Variants in PIP5K1C observed in about 807,000 individuals in gnomAD.
The protein encoded by PIP5K1C is phosphatidylinositol 4-phosphate 5-kinase type-1 gamma.
A neutral mutation model predicts 80.1 loss-of-function variants in PIP5K1C; 45 were observed. That is an observed-to-expected ratio of 0.56 (90% CI 0.44 to 0.72). The LOEUF (loss-of-function observed/expected upper bound fraction) is 0.72, where lower values mean the gene tolerates loss of function less well. Ranked by LOEUF, PIP5K1C falls within the 30% of genes least tolerant of loss-of-function variation. The pLI is 0.00. For synonymous variants in PIP5K1C, 498 were observed against 420.1 expected, an observed-to-expected ratio of 1.19 and a Z score of -2.27; for missense variants, 753 against 954.6, an observed-to-expected ratio of 0.79 and a Z score of 2.78.
intron 11 of PIP5K1C, 126 bp downstream of exon 11, chr19:3,645,848 C>A (rs1041053892): frequency 8.9e-6 from 7 of 784,076 alleles, no homozygotes; most frequent in Non-Finnish European, 1.4e-5. Context: ...CTGAGGGGGG[C>A]ACAGGGGCTC....
intron 5 of PIP5K1C, among the ~76,000 whole-genome samples, chr19:3,659,748 C>T (rs956915502): frequency 6.6e-6 from 1 of 152,170 alleles, no homozygotes; most frequent in Non-Finnish European, 1.5e-5. Context: ...ACACGTACCC[C>T]TGGCTGGAGC....
intron 1 of PIP5K1C, among the ~76,000 whole-genome samples, chr19:3,677,584 A>G (rs1178847308): frequency 1.5e-5 from 2 of 130,806 alleles, no homozygotes; most frequent in African/African-American, 2.7e-5. Context: ...CTCCCTCTCA[A>G]AAAAAAAGAG....
intron 1 of PIP5K1C, among the ~76,000 whole-genome samples, chr19:3,695,276 C>A (rs547782331): frequency 3.3e-5 from 5 of 152,198 alleles, no homozygotes; most frequent in African/African-American, 9.6e-5. Flanking sequence ...ACTCCCATGG[C>A]GGACCCCAGC....
chr19:3,669,163 G>A (rs919447882), intron 1 of PIP5K1C, among the ~76,000 whole-genome samples: 5 of 152,228 alleles, frequency 3.3e-5, no homozygotes, highest in Admixed American at 6.5e-5. Context: ...GGCAGCTGGG[G>A]GTGCTGGGGC....
chr19:3,683,927 A>AC (rs1275830042), intron 1 of PIP5K1C, among the ~76,000 whole-genome samples: 10 of 44,442 alleles, frequency 2.3e-4, no homozygotes, highest in East Asian at 1.7e-3. Context: ...GCAGTCCCAC[A>AC]CCCCCCCCAC....
chr19:3,645,157 G>A (rs1046292894), intron 11 of PIP5K1C, among the ~76,000 whole-genome samples: 6 of 152,348 alleles, frequency 3.9e-5, no homozygotes, highest in Admixed American at 2.6e-4. Flanking sequence ...GGGCACTGGC[G>A]TGCCTGTCCC....
rs370277243 is a variant in PIP5K1C at position 3,667,258 on chromosome 19, G to A, written c.126+64C>T. 91 of 1,445,312 alleles carry A rather than the reference G, an allele frequency of 6.3e-5. No individual in the cohort carries two copies. The African/African-American group carries it at 1.0e-3, about 17-fold the overall frequency. The allele number at this position is 1,445,312 out of a possible 1,614,324, so 89.5% of individuals were successfully genotyped here. Reference sequence around the variant, plus strand: ...CTGCCCCAGGCCACACAGCTTCTCCGCGAGTAGGGAGGCAGCAGGTCAGGG... The same window carrying A: ...CTGCCCCAGGCCACACAGCTTCTCCACGAGTAGGGAGGCAGCAGGTCAGGG... On this transcript the variant is annotated intron_variant, in intron 2 of 17. Coordinates refer to ENST00000335312, the MANE Select transcript of PIP5K1C (RefSeq NM_012398.3).
chr19:3,672,824 G>T (rs1032135771), intron 1 of PIP5K1C, among the ~76,000 whole-genome samples: 6 of 152,098 alleles, frequency 3.9e-5, no homozygotes, highest in African/African-American at 1.4e-4. Flanking sequence ...AACAGTGGTG[G>T]CCTCATCCCT....
rs1448262948 is a variant in PIP5K1C, at chr19:3,647,321, A to C, written c.1260+17T>G. The stretch of plus-strand genomic sequence containing the variant: ...GAGGGATGGGAGGAGGAATGGGAGG[A>C]GGGTGCAGGCGCTCACCCCATCGTG... On this transcript the variant is annotated intron_variant, in intron 10 of 17. Coordinates refer to ENST00000335312, the MANE Select transcript of PIP5K1C (RefSeq NM_012398.3). 1.3e-6 allele frequency: 2 copies of C among 1,560,406 alleles called. No homozygotes were observed. Among genetic ancestry groups the C allele is most frequent in the Non-Finnish European group, 1.7e-6 (2 of 1,151,132 alleles).
intron 1 of PIP5K1C, among the ~76,000 whole-genome samples, chr19:3,691,790 G>A (rs570073506): frequency 3.9e-5 from 6 of 152,166 alleles, no homozygotes; most frequent in South Asian, 2.1e-4. Flanking sequence ...CAGCACCTCC[G>A]TCAACCTGGG....
intron 15 of PIP5K1C, among the ~76,000 whole-genome samples, chr19:3,639,562 G>A (rs900898343): frequency 6.6e-6 from 1 of 151,994 alleles, no homozygotes; most frequent in African/African-American, 2.4e-5. Flanking sequence ...CTCCCAAGTA[G>A]CTGAGACTAT....
chr19:3,639,029 G>A lies in PIP5K1C; in HGVS notation c.1788-13C>T. The A allele has an allele frequency of 6.2e-7, 1 of 1,609,142 alleles. No individual in the cohort carries two copies. The highest frequency in any genetic ancestry group is 8.5e-7 in the Non-Finnish European group (1 of 1,179,860). ...GGAAGCCTCCACCCTGGGGACAGGA[G>A]TAGACAGAGGGTCTTGACCCTCAGG... On this transcript the variant is annotated splice_polypyrimidine_tract_variant and intron_variant, in intron 15 of 17. Coordinates refer to ENST00000335312, the MANE Select transcript of PIP5K1C (RefSeq NM_012398.3).
rs1309290282 is a variant in PIP5K1C, at chr19:3,700,463, G to C, written c.-73C>G. 44 of 836,540 alleles carry C rather than the reference G, an allele frequency of 5.3e-5. No homozygotes were observed. Among genetic ancestry groups the C allele is most frequent in the Non-Finnish European group, 6.4e-5 (44 of 690,536 alleles). The allele number at this position is 836,540 out of a possible 1,614,324, so 51.8% of individuals were successfully genotyped here. ...CGACCGCCGCCGCCGAACAACAAGC[G>C]CCGCCGGCCAAGGGAGGGCGCGCCG... is the stretch of plus-strand genomic sequence containing the variant. On this transcript the variant is annotated 5_prime_UTR_variant, in exon 1 of 18. Transcript: ENST00000335312.
chr19:3,653,059 T>C (rs2034507360), intron 7 of PIP5K1C, among the ~76,000 whole-genome samples: 1 of 152,208 alleles, frequency 6.6e-6, no homozygotes, highest in Non-Finnish European at 1.5e-5. Context: ...TCTGCCTGCC[T>C]CCCAAAGAGC....
chr19:3,682,016 C>G (rs996624206), intron 1 of PIP5K1C, among the ~76,000 whole-genome samples: 1 of 152,074 alleles, frequency 6.6e-6, no homozygotes, highest in African/African-American at 2.4e-5. Flanking sequence ...CTGGTCTGAC[C>G]CCGTCACCAC....
chr19:3,687,535 A>C (rs528630614), intron 1 of PIP5K1C, among the ~76,000 whole-genome samples: 2 of 126,878 alleles, frequency 1.6e-5, no homozygotes, highest in Non-Finnish European at 3.5e-5. Flanking sequence ...GCACACGCAC[A>C]CACATACATG....
intron 1 of PIP5K1C, among the ~76,000 whole-genome samples, chr19:3,687,498 C>CGCACACATGCACATACAT (rs753259509): frequency 6.6e-6 from 1 of 151,914 alleles, no homozygotes. Flanking sequence ...CGCACATACA[C>CGCACACATGCACATACAT]GCACACATGC....
In PIP5K1C at chr19:3,677,539, T is replaced by C. The variant is rs758117111; in HGVS notation, c.95-10186A>G. Among the ~76,000 whole-genome samples, 37 of 149,232 alleles carry C rather than the reference T, an allele frequency of 2.5e-4. No individual in the cohort carries two copies. The Middle Eastern group carries it at 0.011, about 44-fold the overall frequency. ...CGGAGGTTGCAGTGAGCCAAGATCA[T>C]GCCACTGCACTCCAGCCTGGGCAAC... On this transcript the variant is annotated intron_variant, in intron 1 of 17. Coordinates refer to ENST00000335312, the MANE Select transcript of PIP5K1C (RefSeq NM_012398.3).
chr19:3,690,477 T>C (rs2035915131), intron 1 of PIP5K1C, among the ~76,000 whole-genome samples: 2 of 142,966 alleles, frequency 1.4e-5, no homozygotes, highest in African/African-American at 5.4e-5. Context: ...AGCGAGACCC[T>C]GTCTTAAAAA....
Sources: gnomAD v4.1 joint callset for allele counts (sites outside exome capture counted in the v4.1 genomes callset) on GRCh38, gnomAD v4.1.1 for gene constraint, MANE v1.5 for transcripts, NCBI Gene and HGNC (gene_info 2026-07-23, HGNC 2026-07-21) for gene names.